VIPR2: variants seen among roughly 807,000 people sequenced by gnomAD.
VIPR2 encodes vasoactive intestinal peptide receptor 2, also known as vasoactive intestinal polypeptide receptor 2.
A neutral mutation model predicts 58.0 loss-of-function variants in VIPR2; 48 were observed. The ratio of observed to expected loss-of-function variants is 0.83; its 90% CI spans 0.66 to 1.05. The LOEUF (loss-of-function observed/expected upper bound fraction) is 1.05, where lower values mean the gene tolerates loss of function less well. VIPR2 is among the 50% of genes least tolerant of loss of function. The pLI is 0.00. For synonymous variants in VIPR2, 243 were observed against 235.2 expected, an observed-to-expected ratio of 1.03 and a Z score of -0.30; for missense variants, 534 against 558.0, an observed-to-expected ratio of 0.96 and a Z score of 0.43.
In VIPR2 at chr7:159,143,543, G is replaced by A. The variant is rs536495182; in HGVS notation, c.52-998C>T. ...CAGAATTAAGGGGAAAACAATGCTG[G>A]AACTTCTGCCACCTTCAGCCCCATT... is the stretch of plus-strand genomic sequence containing the variant. On this transcript the variant is annotated intron_variant, in intron 1 of 12. Coordinates refer to ENST00000262178, the MANE Select transcript of VIPR2 (RefSeq NM_003382.5). Among the ~76,000 whole-genome samples the A allele has an allele frequency of 1.5e-3, 225 of 152,298 alleles. 1 individual carries two copies. The highest frequency in any genetic ancestry group is 2.8e-3 in the Non-Finnish European group (192 of 68,024).
In VIPR2 at chr7:159,030,541, A is replaced by T; in HGVS notation, c.*75T>A. 3.4e-6 allele frequency: 5 copies of T among 1,454,604 alleles called. No homozygotes were observed. Among genetic ancestry groups the T allele is most frequent in the Non-Finnish European group, 4.5e-6 (5 of 1,099,230 alleles). The allele number at this position is 1,454,604 out of a possible 1,614,324, so 90.1% of individuals were successfully genotyped here. A position where few individuals can be genotyped will look rare whatever the true frequency, so the allele number is the denominator to read the frequency against. Reference sequence around the variant, plus strand: ...ACACGGTGCTCGGGCATCTGGAAGGAGGAAGCCGGCGTCTCAGCCCCGCAG... The same window carrying T: ...ACACGGTGCTCGGGCATCTGGAAGGTGGAAGCCGGCGTCTCAGCCCCGCAG... On this transcript the variant is annotated 3_prime_UTR_variant, in exon 13 of 13. Transcript: ENST00000262178.
chr7:159,053,267 T>C lies in VIPR2; in HGVS notation c.455+5214A>G, dbSNP rs569801155. Among the ~76,000 whole-genome samples, 6 of 152,198 alleles carry C rather than the reference T, an allele frequency of 3.9e-5. No homozygotes were observed. The South Asian group carries it at 1.2e-3, about 32-fold the overall frequency. ...CCTGGCCTTTGAAGCAATATTAATA[T>C]ACTAAAATAAATTTTTTCAAGAAAC... is the stretch of plus-strand genomic sequence containing the variant. On this transcript the variant is annotated intron_variant, in intron 5 of 12. Coordinates refer to ENST00000262178, the MANE Select transcript of VIPR2 (RefSeq NM_003382.5).
At chr7:159,122,212 C>T (rs924141771) in intron 2 of VIPR2, among the ~76,000 whole-genome samples, 5 of 152,234 alleles carry the variant, frequency 3.3e-5, no homozygotes, top group Non-Finnish European at 7.3e-5. Flanking sequence ...CCAGCAGGCT[C>T]ACAGTGTCCC....
chr7:159,067,053 C>T (rs55864635), intron 4 of VIPR2, among the ~76,000 whole-genome samples: 19,410 of 152,218 alleles, frequency 0.13, 1,431 homozygotes, highest in East Asian at 0.16. Context: ...AAAATTGACA[C>T]GCCAGTGACT....
chr7:159,043,088 C>T lies in VIPR2; in HGVS notation c.544G>A (p.Val182Ile), dbSNP rs200382193. 351 of 1,614,086 alleles carry T rather than the reference C, an allele frequency of 2.2e-4. 3 individuals are homozygous for T. The South Asian group carries it at 3.4e-3, about 15-fold the overall frequency. The change falls in exon 6 of 13, where the codon GTT becomes ATT. Residue 182 changes from valine to isoleucine, a missense_variant. Transcript: ENST00000262178. Reference sequence around the variant, plus strand: ...AACGTGCCAGAGCTGGAGTAGAGAACGTCGTCCTTGACCAGCACTGAGATG... The same window carrying T: ...AACGTGCCAGAGCTGGAGTAGAGAATGTCGTCCTTGACCAGCACTGAGATG... Reference protein sequence around the residue: ...RAISVLVKDDVLYSSSGTLHC... With the variant: ...RAISVLVKDDILYSSSGTLHC...
intron 1 of VIPR2, 145 bp downstream of exon 1, chr7:159,144,576 C>T (rs531155213): frequency 7.1e-7 from 1 of 1,412,782 alleles, no homozygotes; most frequent in African/African-American, 1.5e-5. Context: ...AGCTCCGGAC[C>T]CCGGGCGACC....
chr7:159,071,245 A>C (rs567088530), intron 4 of VIPR2, among the ~76,000 whole-genome samples: 1 of 152,210 alleles, frequency 6.6e-6, no homozygotes, highest in African/African-American at 2.4e-5. Flanking sequence ...AGAGGTGGCC[A>C]AGCCAGCTCA....
intron 2 of VIPR2, among the ~76,000 whole-genome samples, chr7:159,137,895 T>A (rs552214589): frequency 3.3e-5 from 5 of 152,086 alleles, no homozygotes; most frequent in African/African-American, 1.2e-4. Context: ...AGGAAAGATA[T>A]AGGCACCTTT....
Position 159,127,680 on chromosome 7 carries a change from G to A in VIPR2, c.151+14766C>T, listed in dbSNP as rs371266430. 3.0e-4 allele frequency among the ~76,000 whole-genome samples: 45 copies of A among 152,226 alleles called. No homozygotes were observed. The South Asian group carries it at 9.1e-3, about 31-fold the overall frequency. On this transcript the variant is annotated intron_variant, in intron 2 of 12. Transcript: ENST00000262178. The surrounding 1 kb of genome is among the most constrained non-coding windows in gnomAD (Gnocchi z 4.6). ...TCAGCTTTGGCATGTAAACGCATGTGGGCATCAGGAAAATGGATGTGTGCT... is the reference window on the plus strand; with the variant it reads ...TCAGCTTTGGCATGTAAACGCATGTAGGCATCAGGAAAATGGATGTGTGCT...
rs374435223 is a variant in VIPR2, at chr7:159,036,879, G to T, written c.621C>A (p.Val207=). The T allele has an allele frequency of 3.8e-5, 61 of 1,612,864 alleles. No homozygotes were observed. Among genetic ancestry groups the T allele is most frequent in the Non-Finnish European group, 4.6e-5 (54 of 1,179,174 alleles). ...TGGCCATGATGCAGTACTGCAGGAA[G>T]ACCAGGCTCAGCTTGCAGCCCACCT... ...SSWVGCKLSL[V]FLQYCIMANF... The change falls in exon 7 of 13, where the codon GTC becomes GTA. Residue 207 remains valine, a synonymous_variant. Transcript: ENST00000262178.
intron 5 of VIPR2, among the ~76,000 whole-genome samples, chr7:159,056,509 T>A (rs1855336949): frequency 6.6e-6 from 1 of 152,132 alleles, no homozygotes; most frequent in Admixed American, 6.5e-5. Flanking sequence ...TGGAACCGTC[T>A]CTGTCAGTCC....
chr7:159,088,856 A>C (rs139669703), intron 4 of VIPR2, among the ~76,000 whole-genome samples: 4 of 122,848 alleles, frequency 3.3e-5, no homozygotes, highest in East Asian at 2.4e-4. Flanking sequence ...CTCAGGCCTC[A>C]GCTCCTCATC....
intron 12 of VIPR2, 148 bp from the exon 13 acceptor site, chr7:159,030,937 T>A: frequency 8.8e-7 from 1 of 1,138,896 alleles, no homozygotes; most frequent in South Asian, 1.7e-5. Flanking sequence ...AGAAACGGCC[T>A]TGGGGGCAGA....
At chr7:159,137,826 A>C (rs1797291542) in intron 2 of VIPR2, among the ~76,000 whole-genome samples, 1 of 152,248 alleles carries the variant, frequency 6.6e-6, no homozygotes, top group Non-Finnish European at 1.5e-5. Context: ...TTATCTCATC[A>C]GTCCAAAAAG....
intron 2 of VIPR2, among the ~76,000 whole-genome samples, chr7:159,125,078 CA>C (rs1796603947): frequency 6.6e-6 from 1 of 152,218 alleles, no homozygotes; most frequent in East Asian, 1.9e-4. Context: ...ATGTCATCTG[CA>C]AAAGGGGTAA....
intron 4 of VIPR2, among the ~76,000 whole-genome samples, chr7:159,075,925 C>G (rs1856616600): frequency 6.6e-6 from 1 of 152,284 alleles, no homozygotes. Context: ...ACTGCTTTCT[C>G]ACGGGCCGTG....
chr7:159,059,375 A>C (rs543744212), intron 4 of VIPR2: 9 of 471,172 alleles, frequency 1.9e-5, no homozygotes, highest in African/African-American at 1.8e-4. Context: ...ATAAAGAGGG[A>C]AACAATCCAC....
At chr7:159,059,691 C>T (rs1310343908) in intron 4 of VIPR2, among the ~76,000 whole-genome samples, 6 of 146,510 alleles carry the variant, frequency 4.1e-5, no homozygotes, top group Middle Eastern at 3.6e-3. Context: ...TCATCCTTCC[C>T]GACTCCACTC....
chr7:159,059,937 AACC>A (rs1855541093), intron 4 of VIPR2, among the ~76,000 whole-genome samples: 1 of 150,436 alleles, frequency 6.6e-6, no homozygotes. Flanking sequence ...CCCTTCACCT[AACC>A]ACCATCTCAC....
Sources: gnomAD v4.1 joint callset for allele counts (sites outside exome capture counted in the v4.1 genomes callset) on GRCh38, gnomAD v4.1.1 for gene constraint, Gnocchi (gnomAD v3.1) non-coding constraint, MANE v1.5 for transcripts, NCBI Gene and HGNC (gene_info 2026-07-23, HGNC 2026-07-21) for gene names.